Variants in PTGER3 observed in about 807,000 individuals in gnomAD.
The protein encoded by PTGER3 is prostaglandin E2 receptor EP3 subtype.
A neutral mutation model predicts 34.7 loss-of-function variants in PTGER3; 22 were observed. That is an observed-to-expected ratio of 0.63 (90% CI 0.45 to 0.91). PTGER3 has a LOEUF of 0.91. Among genes scored for constraint, PTGER3 ranks in the 40% least tolerant of loss-of-function variants. The pLI is 0.00. For synonymous variants in PTGER3, 241 were observed against 230.1 expected (o/e 1.05, Z -0.43); for missense variants, 468 against 519.4 (o/e 0.90, Z 0.96).
At chr1:70,927,397 T>G (rs770730877) in intron 4 of PTGER3, among the ~76,000 whole-genome samples, 1 of 152,168 alleles carries the variant, frequency 6.6e-6, no homozygotes, top group Non-Finnish European at 1.5e-5. Flanking sequence ...AGATGACTTT[T>G]AATTTTCTAG....
At chr1:70,913,722 C>T (rs1647111682) in intron 4 of PTGER3, among the ~76,000 whole-genome samples, 1 of 151,696 alleles carries the variant, frequency 6.6e-6, no homozygotes, top group Non-Finnish European at 1.5e-5. Flanking sequence ...GTTTTTTCTT[C>T]ATGTATTCAA....
chr1:70,890,725 G>T (rs901180235), intron 4 of PTGER3, among the ~76,000 whole-genome samples: 1 of 152,136 alleles, frequency 6.6e-6, no homozygotes, highest in Non-Finnish European at 1.5e-5. Flanking sequence ...CCTTCATGGT[G>T]CTATAAGGGA....
intron 4 of PTGER3, among the ~76,000 whole-genome samples, chr1:70,922,203 T>C (rs2100447450): frequency 6.6e-6 from 1 of 152,226 alleles, no homozygotes; most frequent in East Asian, 1.9e-4. Flanking sequence ...GCATAGCTTC[T>C]AGCTATGCAA....
intron 2 of PTGER3, among the ~76,000 whole-genome samples, chr1:70,963,022 T>C (rs1188765445): frequency 6.6e-6 from 1 of 152,130 alleles, no homozygotes; most frequent in Non-Finnish European, 1.5e-5. Context: ...CTATTCCACA[T>C]GGTAGCAATT....
At chr1:70,905,008 G>A (rs989647558) in intron 4 of PTGER3, among the ~76,000 whole-genome samples, 1 of 152,142 alleles carries the variant, frequency 6.6e-6, no homozygotes, top group Non-Finnish European at 1.5e-5. Context: ...GCAACCTAGG[G>A]ACTTGGTGCC....
chr1:70,973,377 C>T (rs1353556779), intron 3 of PTGER3, among the ~76,000 whole-genome samples: 1 of 151,966 alleles, frequency 6.6e-6, no homozygotes, highest in African/African-American at 2.4e-5. Context: ...CAGAATCAAC[C>T]AGCTTGTTCT....
At chr1:70,869,073 A>G (rs75286380) in intron 4 of PTGER3, among the ~76,000 whole-genome samples, 1 of 152,120 alleles carries the variant, frequency 6.6e-6, no homozygotes, top group South Asian at 2.1e-4. Flanking sequence ...CTCACGTATT[A>G]CAGCCTGCAG....
intron 2 of PTGER3, among the ~76,000 whole-genome samples, chr1:71,003,963 A>T (rs1428888425): frequency 6.6e-6 from 1 of 152,224 alleles, no homozygotes; most frequent in African/African-American, 2.4e-5. Flanking sequence ...GGAGTACCAC[A>T]TACCTATCAT....
intron 2 of PTGER3, among the ~76,000 whole-genome samples, chr1:70,983,780 T>C (rs1387178625): frequency 6.6e-6 from 1 of 152,072 alleles, no homozygotes; most frequent in Non-Finnish European, 1.5e-5. Context: ...TACAGTAATC[T>C]AGAGACTAAT....
At chr1:70,946,295 T>C (rs541898956) in intron 4 of PTGER3, among the ~76,000 whole-genome samples, 105 of 152,088 alleles carry the variant, frequency 6.9e-4, no homozygotes, top group South Asian at 2.1e-4. Context: ...CTTTATACTC[T>C]TGGAAAGCTG....
At chr1:71,045,554 G>A (rs1441674100) in intron 1 of PTGER3, among the ~76,000 whole-genome samples, 5 of 152,092 alleles carry the variant, frequency 3.3e-5, no homozygotes, top group Non-Finnish European at 5.9e-5. Context: ...CTTACACACG[G>A]ACATTTCTAG....
chr1:70,890,358 T>C (rs1234139619), intron 4 of PTGER3, among the ~76,000 whole-genome samples: 3 of 152,074 alleles, frequency 2.0e-5, no homozygotes, highest in Non-Finnish European at 4.4e-5. Context: ...CCTCTTAAGA[T>C]CAGAAAGCCA....
At chr1:70,902,859 G>A (rs1646868782) in intron 4 of PTGER3, among the ~76,000 whole-genome samples, 1 of 152,142 alleles carries the variant, frequency 6.6e-6, no homozygotes, top group Admixed American at 6.5e-5. Flanking sequence ...TTGAGCCTAA[G>A]AAAAGAGAAA....
chr1:70,921,797 C>A (rs1647556338), intron 4 of PTGER3, among the ~76,000 whole-genome samples: 1 of 152,098 alleles, frequency 6.6e-6, no homozygotes, highest in African/African-American at 2.4e-5. Context: ...AGGTTTAATT[C>A]CTGGCTTGGA....
intron 2 of PTGER3, among the ~76,000 whole-genome samples, chr1:70,958,969 C>A (rs1651641852): frequency 6.6e-6 from 1 of 152,114 alleles, no homozygotes; most frequent in Admixed American, 6.5e-5. Context: ...GCATCTTCGT[C>A]AAAAATCAGT....
chr1:70,854,077 A>G (rs1645745522), intron 4 of PTGER3, among the ~76,000 whole-genome samples: 1 of 152,188 alleles, frequency 6.6e-6, no homozygotes, highest in African/African-American at 2.4e-5. Context: ...GTTTTCTTGG[A>G]GATGACACCA....
intron 2 of PTGER3, among the ~76,000 whole-genome samples, chr1:70,996,905 G>A (rs1009522127): frequency 3.3e-5 from 5 of 152,028 alleles, no homozygotes; most frequent in Non-Finnish European, 7.4e-5. Context: ...CTCGTGATCC[G>A]CCCGCCTTGG....
At chr1:70,992,807 C>T (rs1479387108) in intron 2 of PTGER3, among the ~76,000 whole-genome samples, 1 of 152,162 alleles carries the variant, frequency 6.6e-6, no homozygotes, top group Non-Finnish European at 1.5e-5. Context: ...CTCTGAGAAG[C>T]AGAGATGAGA....
chr1:70,918,431 C>A (rs569613544), intron 4 of PTGER3, among the ~76,000 whole-genome samples: 1 of 152,124 alleles, frequency 6.6e-6, no homozygotes, highest in Non-Finnish European at 1.5e-5. Context: ...AAAGCTTCTT[C>A]ACAGTCAAGG....
Sources: gnomAD v4.1 joint callset for allele counts (sites outside exome capture counted in the v4.1 genomes callset) on GRCh38, gnomAD v4.1.1 for gene constraint, MANE v1.5 for transcripts, NCBI Gene and HGNC (gene_info 2026-07-23, HGNC 2026-07-21) for gene names.